Variants in LPP observed in about 807,000 individuals in gnomAD.
LPP encodes LIM domain containing preferred translocation partner in lipoma, also known as lipoma-preferred partner.
A neutral mutation model predicts 60.4 loss-of-function variants in LPP; 38 were observed. The observed-to-expected ratio is 0.63, with a 90% CI of 0.49 to 0.83. The LOEUF (loss-of-function observed/expected upper bound fraction) is 0.83, where lower values mean the gene tolerates loss of function less well. LPP is among the 40% of genes least tolerant of loss of function. The probability of loss-of-function intolerance (pLI) is 0.00; values close to 1 mark genes in which losing one functional copy is unlikely to be tolerated. For missense variants in LPP, 902 were observed against 783.6 expected, an observed-to-expected ratio of 1.15 and a Z score of -1.80; for synonymous variants, 328 against 290.8, an observed-to-expected ratio of 1.13 and a Z score of -1.30.
chr3:188,817,218 C>T (rs1752700207), intron 9 of LPP, among the ~76,000 whole-genome samples: 1 of 152,140 alleles, frequency 6.6e-6, no homozygotes, highest in Non-Finnish European at 1.5e-5. Context: ...CACTGGTGAT[C>T]ATAGCAGTGG....
chr3:188,444,416 G>A (rs754590252), intron 4 of LPP, among the ~76,000 whole-genome samples: 13 of 152,094 alleles, frequency 8.5e-5, no homozygotes, highest in East Asian at 1.9e-4. Context: ...TGCCCGACTC[G>A]TTGATTGCAT....
chr3:188,155,124 T>C lies in LPP; in HGVS notation c.-190+872T>C, dbSNP rs147799040. 1.4e-3 allele frequency among the ~76,000 whole-genome samples: 220 copies of C among 152,176 alleles called. 2 individuals carry two copies. Among genetic ancestry groups the C allele is most frequent in the African/African-American group, 5.1e-3 (210 of 41,530 alleles). ...GTTGGGGATGGGGGAGGTTGTGATA[T>C]GAGATGAGCTAATCAGTGGAATTGT... On this transcript the variant is annotated intron_variant, in intron 1 of 11. Transcript: ENST00000617246.
At chr3:188,256,145 A>G (rs111503644) in intron 2 of LPP, among the ~76,000 whole-genome samples, 2 of 39,724 alleles carry the variant, frequency 5.0e-5, no homozygotes, top group African/African-American at 1.4e-4. Flanking sequence ...ATGCTACAAT[A>G]TTTAATGATG....
intron 2 of LPP, among the ~76,000 whole-genome samples, chr3:188,308,271 G>A (rs1056876601): frequency 2.0e-5 from 3 of 152,128 alleles, no homozygotes; most frequent in South Asian, 4.2e-4. Flanking sequence ...TATGGGCTGT[G>A]ATATGCCTAT....
chr3:188,342,033 C>T (rs1763194368), intron 3 of LPP, among the ~76,000 whole-genome samples: 1 of 152,092 alleles, frequency 6.6e-6, no homozygotes, highest in Admixed American at 6.6e-5. Flanking sequence ...TGTGCTTAAC[C>T]ATTATTTTAT....
intron 9 of LPP, among the ~76,000 whole-genome samples, chr3:188,781,886 C>T (rs1199984489): frequency 1.5e-4 from 19 of 129,144 alleles, no homozygotes; most frequent in East Asian, 4.2e-4. Context: ...AGCAAGACTC[C>T]GTCTCAAAAA....
intron 3 of LPP, among the ~76,000 whole-genome samples, chr3:188,392,956 A>G (rs1176878515): frequency 6.6e-6 from 1 of 152,182 alleles, no homozygotes; most frequent in Non-Finnish European, 1.5e-5. Flanking sequence ...TAGAAATGTG[A>G]AATAGTTGTT....
intron 6 of LPP, among the ~76,000 whole-genome samples, chr3:188,560,284 A>G (rs1280639289): frequency 1.3e-5 from 2 of 151,974 alleles, no homozygotes; most frequent in African/African-American, 2.4e-5. Flanking sequence ...TGCTACCACC[A>G]AGGAGTCGTC....
intron 2 of LPP, among the ~76,000 whole-genome samples, chr3:188,308,948 T>TCCC (rs1752433950): frequency 6.1e-4 from 86 of 140,688 alleles, no homozygotes; most frequent in African/African-American, 2.1e-3. Flanking sequence ...CTCCTCCTCC[T>TCCC]TCTCCCTTCT....
intron 7 of LPP, among the ~76,000 whole-genome samples, chr3:188,617,069 C>T (rs1844983925): frequency 6.6e-6 from 1 of 152,040 alleles, no homozygotes; most frequent in South Asian, 2.1e-4. Context: ...TATTCATCAA[C>T]ATTTTATGTT....
intron 1 of LPP, among the ~76,000 whole-genome samples, chr3:188,197,422 G>A (rs4572756): frequency 6.6e-6 from 1 of 152,014 alleles, no homozygotes; most frequent in African/African-American, 2.4e-5. Flanking sequence ...GAGCTTTATT[G>A]CCCCAGTACA....
chr3:188,825,829 C>A (rs2151510181), intron 9 of LPP, among the ~76,000 whole-genome samples: 1 of 152,186 alleles, frequency 6.6e-6, no homozygotes, highest in Non-Finnish European at 1.5e-5. Context: ...TAAGGGAAAT[C>A]TCTTCTCCCA....
At chr3:188,671,424 T>A (rs1856932505) in intron 7 of LPP, among the ~76,000 whole-genome samples, 1 of 152,256 alleles carries the variant, frequency 6.6e-6, no homozygotes, top group African/African-American at 2.4e-5. Flanking sequence ...TTTATCAAAC[T>A]TCAATATTTA....
intron 9 of LPP, among the ~76,000 whole-genome samples, chr3:188,791,898 C>T (rs1157942577): frequency 6.6e-6 from 1 of 152,068 alleles, no homozygotes; most frequent in African/African-American, 2.4e-5. Context: ...AAGTTTCTGT[C>T]CCCCTGTTGT....
chr3:188,787,486 C>T (rs1443175939), intron 9 of LPP, among the ~76,000 whole-genome samples: 1 of 152,006 alleles, frequency 6.6e-6, no homozygotes, highest in Non-Finnish European at 1.5e-5. Flanking sequence ...AACAGTTCAG[C>T]TCCCTGTAAT....
intron 3 of LPP, among the ~76,000 whole-genome samples, chr3:188,349,777 A>G (rs555650908): frequency 6.6e-6 from 1 of 152,302 alleles, no homozygotes; most frequent in East Asian, 1.9e-4. Context: ...CAGCACTGAG[A>G]CCTGTTTGCT....
At chr3:188,338,462 C>A (rs55751038) in intron 2 of LPP, among the ~76,000 whole-genome samples, 2,919 of 152,224 alleles carry the variant, frequency 0.019, 100 homozygotes, top group African/African-American at 0.067. Flanking sequence ...ACCTCTGTTG[C>A]CACATGAAAC....
Position 188,708,789 on chromosome 3 carries a change from T to C in LPP, c.1240+396T>C, listed in dbSNP as rs1270655416. 1.8e-4 allele frequency: 46 copies of C among 260,650 alleles called. 2 individuals carry two copies. In the East Asian group the frequency reaches 2.9e-3, roughly 16 times the overall value. 16.1% of individuals were successfully genotyped at this position (260,650 alleles called of 1,614,324 possible). A position where few individuals can be genotyped will look rare whatever the true frequency, so the allele number is the denominator to read the frequency against. On this transcript the variant is annotated intron_variant, in intron 8 of 11. Transcript: ENST00000617246. ...TGGAGAATCACCTGAGCCTGGGAGG[T>C]CGAGGCTGCAGTGAGCTGTGGCTCA...
rs560846206 is a variant in LPP at position 188,824,403 on chromosome 3, T to C, written c.1411-41797T>C. Among the ~76,000 whole-genome samples the C allele has an allele frequency of 8.5e-5, 13 of 152,348 alleles. No individual in the cohort carries two copies. In the South Asian group the frequency reaches 2.5e-3, roughly 29 times the overall value. On this transcript the variant is annotated intron_variant, in intron 9 of 11. Coordinates refer to ENST00000617246, the MANE Select transcript of LPP (RefSeq NM_001375462.1). ...AGTTAAAAATTTAGCTCCTTAGTCA[T>C]ACGAGCCACATTTCAAATGCTCAAG...
Sources: allele counts gnomAD v4.1 joint callset (sites outside exome capture counted in the v4.1 genomes callset), GRCh38; gene constraint gnomAD v4.1.1; transcripts MANE v1.5; gene names NCBI Gene and HGNC (gene_info 2026-07-23, HGNC 2026-07-21).